GPHN: variants seen among roughly 807,000 people sequenced by gnomAD.
The protein encoded by GPHN is gephyrin.
In GPHN, 17 loss-of-function variants were observed where a neutral mutation model predicts 95.5. The observed-to-expected ratio is 0.18, with a 90% CI of 0.12 to 0.27. GPHN has a LOEUF of 0.27. GPHN is among the 10% of genes least tolerant of loss of function. GPHN has a pLI of 1.00. For synonymous variants in GPHN, 320 were observed against 322.5 expected (o/e 0.99, Z 0.08); for missense variants, 660 against 978.1 (o/e 0.67, Z 4.34).
At chr14:67,509,978 A>G in the GPHN span, among the ~76,000 whole-genome samples, 2 of 152,140 alleles carry the variant, frequency 1.3e-5, no homozygotes, top group Admixed American at 1.3e-4. Context: ...CCACTGCACT[A>G]AAGCCTGAGC....
intron 8 of GPHN, among the ~76,000 whole-genome samples, chr14:66,949,765 C>CA (rs1378952550): frequency 6.6e-6 from 1 of 151,872 alleles, no homozygotes; most frequent in Non-Finnish European, 1.5e-5. Context: ...TTTTAAGTGG[C>CA]AAAAATAATT....
At chr14:67,088,563 T>A (rs574603209) in intron 11 of GPHN, among the ~76,000 whole-genome samples, 5 of 152,194 alleles carry the variant, frequency 3.3e-5, no homozygotes, top group Non-Finnish European at 7.3e-5. Context: ...TGTAAGCAAC[T>A]GTGAAATAAA....
At chr14:66,926,781 T>C (rs1263425578) in intron 8 of GPHN, among the ~76,000 whole-genome samples, 1 of 152,162 alleles carries the variant, frequency 6.6e-6, no homozygotes, top group East Asian at 1.9e-4. Context: ...TTTTTCTGTT[T>C]CTGTGAAGGT....
chr14:66,948,312 T>C (rs1190759989), intron 8 of GPHN, among the ~76,000 whole-genome samples: 1 of 152,150 alleles, frequency 6.6e-6, no homozygotes, highest in Non-Finnish European at 1.5e-5. Flanking sequence ...CAAGCTTATA[T>C]GAATATTTAA....
chr14:67,689,264 T>C, the GPHN span, among the ~76,000 whole-genome samples: 4 of 152,216 alleles, frequency 2.6e-5, no homozygotes, highest in African/African-American at 9.7e-5. Context: ...GATGATCCTA[T>C]TCCAACTATA....
chr14:66,620,778 C>T (rs1257280226), intron 1 of GPHN, among the ~76,000 whole-genome samples: 1 of 152,122 alleles, frequency 6.6e-6, no homozygotes, highest in Non-Finnish European at 1.5e-5. Flanking sequence ...GTCCACAGTC[C>T]AAAGTCTCAC....
chr14:67,369,961 G>C, the GPHN span, among the ~76,000 whole-genome samples: 1 of 152,190 alleles, frequency 6.6e-6, no homozygotes, highest in African/African-American at 2.4e-5. Flanking sequence ...CTTCAGAGCT[G>C]AGAGCCCCGA....
chr14:66,939,841 CA>C (rs1385920860), intron 8 of GPHN, among the ~76,000 whole-genome samples: 1 of 152,138 alleles, frequency 6.6e-6, no homozygotes, highest in African/African-American at 2.4e-5. Context: ...TAAGGGTCCC[CA>C]ACAAAAGGGA....
chr14:67,331,120 CT>C, the GPHN span, among the ~76,000 whole-genome samples: 2 of 152,216 alleles, frequency 1.3e-5, no homozygotes, highest in Admixed American at 1.3e-4. Flanking sequence ...TCTTGGTTCA[CT>C]GCAACCTCTG....
chr14:66,568,055 T>C (rs1285078316), intron 1 of GPHN, among the ~76,000 whole-genome samples: 1 of 152,198 alleles, frequency 6.6e-6, no homozygotes, highest in Non-Finnish European at 1.5e-5. Flanking sequence ...TTTGAAAACA[T>C]TCTCAAATAT....
At chr14:66,920,272 T>C (rs1319619933) in intron 6 of GPHN, among the ~76,000 whole-genome samples, 4 of 152,160 alleles carry the variant, frequency 2.6e-5, no homozygotes, top group Non-Finnish European at 5.9e-5. Context: ...AATGTGTGTA[T>C]GTGAGTATGT....
the GPHN span, chr14:67,656,658 T>A: frequency 4.0e-6 from 6 of 1,496,624 alleles, no homozygotes; most frequent in Admixed American, 7.8e-5. Context: ...ATATTCCTCA[T>A]CACCTTCCCC....
intron 4 of GPHN, among the ~76,000 whole-genome samples, chr14:66,858,953 T>A (rs763445953): frequency 6.6e-6 from 1 of 152,106 alleles, no homozygotes; most frequent in Non-Finnish European, 1.5e-5. Flanking sequence ...GGAAGGACTG[T>A]GTCTCATGAT....
intron 1 of GPHN, among the ~76,000 whole-genome samples, chr14:66,597,410 A>T (rs1305014358): frequency 6.6e-6 from 1 of 152,202 alleles, no homozygotes; most frequent in Non-Finnish European, 1.5e-5. Context: ...ACTTAAAAAC[A>T]AAGTCCGGAG....
At chr14:67,052,039 A>G (rs1413971270) in intron 10 of GPHN, among the ~76,000 whole-genome samples, 1 of 152,220 alleles carries the variant, frequency 6.6e-6, no homozygotes. Context: ...GACGCTTCGA[A>G]GCAACTACAT....
the GPHN span, chr14:67,645,932 A>G: frequency 1.9e-6 from 2 of 1,051,588 alleles, no homozygotes; most frequent in Non-Finnish European, 2.7e-6. Flanking sequence ...GTTCATCACT[A>G]TTATGGACCA....
chr14:66,716,186 T>A (rs748179520), intron 2 of GPHN, among the ~76,000 whole-genome samples: 16 of 152,190 alleles, frequency 1.1e-4, no homozygotes, highest in Admixed American at 2.6e-4. Flanking sequence ...GGACCTCCAG[T>A]GTTAGGTGCA....
chr14:67,576,085 C>T, the GPHN span: 1 of 1,164,130 alleles, frequency 8.6e-7, no homozygotes, highest in Non-Finnish European at 1.2e-6. This position sits in a 1 kb window ranked among gnomAD's most constrained non-coding sequence, Gnocchi z 4.0. Context: ...TCCTGAGCTT[C>T]CCAAAATTCA....
At chr14:66,814,607 T>C (rs557546475) in intron 3 of GPHN, among the ~76,000 whole-genome samples, 16 of 152,272 alleles carry the variant, frequency 1.1e-4, no homozygotes, top group Non-Finnish European at 2.1e-4. Context: ...ATGCATCTTA[T>C]ACCATAATCA....
Sources: allele counts gnomAD v4.1 joint callset (sites outside exome capture counted in the v4.1 genomes callset), GRCh38; gene constraint gnomAD v4.1.1; non-coding constraint Gnocchi (gnomAD v3.1); transcripts MANE v1.5; gene names NCBI Gene and HGNC (gene_info 2026-07-23, HGNC 2026-07-21).